Variants in VCAM1 observed in about 807,000 individuals in gnomAD.
The protein encoded by VCAM1 is vascular cell adhesion molecule 1.
In VCAM1, 41 loss-of-function variants were observed where a neutral mutation model predicts 63.8. The ratio of observed to expected loss-of-function variants is 0.64; its 90% CI spans 0.50 to 0.83. The LOEUF (loss-of-function observed/expected upper bound fraction) is 0.83. Ranked by LOEUF, VCAM1 falls within the 40% of genes least tolerant of loss-of-function variation. The pLI is 0.00. For missense variants in VCAM1, 798 were observed against 875.5 expected (o/e 0.91, Z 1.12); for synonymous variants, 338 against 320.7 (o/e 1.05, Z -0.58).
rs1356573704 is a variant in VCAM1 at position 100,731,626 on chromosome 1, C to T, written c.1525+108C>T. The T allele has an allele frequency of 6.5e-6, 7 of 1,070,290 alleles. No individual in the cohort carries two copies. The highest frequency in any genetic ancestry group is 1.8e-5 in the South Asian group (1 of 56,128). The allele number at this position is 1,070,290 out of a possible 1,614,324, so 66.3% of individuals were successfully genotyped here. ...CGTTAAAACCTCTGTGGAGAAAAAA[C>T]GTTACTGAAAAGAAATTTCAAAATA... On this transcript the variant is annotated intron_variant, in intron 6 of 8. Transcript: ENST00000294728. This position sits in a 1 kb window ranked among gnomAD's most constrained non-coding sequence, Gnocchi z 4.2.
At position 100,731,819 on chromosome 1, in the gene VCAM1, G is replaced by A. The variant is rs1660470449; in HGVS notation, c.1525+301G>A. On this transcript the variant is annotated intron_variant, in intron 6 of 8. Transcript: ENST00000294728. The surrounding 1 kb of genome is among the most constrained non-coding windows in gnomAD (Gnocchi z 4.2). ...ATTTTCAGTAAGGTTAGCAGGGCTG[G>A]CTGGTCTCAGATGACTTCACCCACA... is the stretch of plus-strand genomic sequence containing the variant. Among the ~76,000 whole-genome samples, 1 of 152,160 alleles carries A rather than the reference G, an allele frequency of 6.6e-6. No homozygotes were observed. The highest frequency in any genetic ancestry group is 1.5e-5 in the Non-Finnish European group (1 of 68,028).
At position 100,731,784 on chromosome 1, in the gene VCAM1, T is replaced by C. The variant is rs1660466277; in HGVS notation, c.1525+266T>C. ...CTGTTCAATATGGTATTAGCTGAGC[T>C]CACTCGTGCATTTTCAGTAAGGTTA... is the stretch of plus-strand genomic sequence containing the variant. On this transcript the variant is annotated intron_variant, in intron 6 of 8. Transcript: ENST00000294728. This position sits in a 1 kb window ranked among gnomAD's most constrained non-coding sequence, Gnocchi z 4.2. Among the ~76,000 whole-genome samples the C allele has an allele frequency of 6.6e-6, 1 of 152,188 alleles. No homozygotes were observed. Among genetic ancestry groups the C allele is most frequent in the Non-Finnish European group, 1.5e-5 (1 of 68,042 alleles).
intron 2 of VCAM1, among the ~76,000 whole-genome samples, chr1:100,721,895 T>A (rs1356141825): frequency 6.6e-6 from 1 of 152,046 alleles, no homozygotes; most frequent in Non-Finnish European, 1.5e-5. Flanking sequence ...GCTGGAAAAA[T>A]GAAAAATACC....
Position 100,723,309 on chromosome 1 carries a change from A to G in VCAM1, c.630A>G (p.Val210=), listed in dbSNP as rs770281499. The G allele has an allele frequency of 8.7e-6, 14 of 1,612,746 alleles. No homozygotes were observed. The South Asian group carries it at 1.5e-4, about 18-fold the overall frequency. ...HIDEMDSVPT[V]RQAVKELQVY... is the part of the protein sequence containing the mutation. ...ATGAAATGGATTCTGTGCCCACAGT[A>G]AGGCAGGCTGTAAAAGAATTGCAAG... Residue 210 remains valine (V), a synonymous_variant, in exon 3 of 9, where the codon GTA becomes GTG. Transcript: ENST00000294728.
chr1:100,723,381 C>A, intron 3 of VCAM1, 41 bp downstream of exon 3: 2 of 1,587,480 alleles, frequency 1.3e-6, no homozygotes, highest in East Asian at 4.5e-5. Flanking sequence ...TGTGGGAATC[C>A]CACCTTGGTT....
chr1:100,725,849 A>G (rs1482825067), intron 4 of VCAM1, among the ~76,000 whole-genome samples: 2 of 152,044 alleles, frequency 1.3e-5, no homozygotes, highest in Non-Finnish European at 2.9e-5. Context: ...TAGGTATACA[A>G]TGTAGAATGA....
chr1:100,738,433 T>C lies in VCAM1; in HGVS notation c.*150T>C, dbSNP rs1319154584. The C allele has an allele frequency of 2.4e-5, 21 of 860,120 alleles. No homozygotes were observed. Among genetic ancestry groups the C allele is most frequent in the Non-Finnish European group, 3.4e-5 (20 of 592,840 alleles). 53.3% of individuals were successfully genotyped at this position (860,120 alleles called of 1,614,324 possible). A position where few individuals can be genotyped will look rare whatever the true frequency, so the allele number is the denominator to read the frequency against. On this transcript the variant is annotated 3_prime_UTR_variant, in exon 9 of 9. Coordinates refer to ENST00000294728, the MANE Select transcript of VCAM1 (RefSeq NM_001078.4). ...AGAAATGCCCATCTATGTCCCTTGC[T>C]GTGAGCAAGAAGTCAAAGTAAAACT...
intron 7 of VCAM1, among the ~76,000 whole-genome samples, chr1:100,733,592 C>A (rs912678023): frequency 2.0e-5 from 3 of 152,102 alleles, no homozygotes; most frequent in African/African-American, 7.2e-5. Context: ...AAATAGAAGA[C>A]CTTAATAGGG....
At chr1:100,720,850 G>T (rs938795295) in intron 2 of VCAM1, 99 bp downstream of exon 2, 18 of 1,356,450 alleles carry the variant, frequency 1.3e-5, no homozygotes, top group Non-Finnish European at 1.7e-5. Flanking sequence ...GGATATTCAT[G>T]TACAGATTCT....
At chr1:100,724,346 T>C (rs1380011029) in intron 3 of VCAM1, among the ~76,000 whole-genome samples, 1 of 152,044 alleles carries the variant, frequency 6.6e-6, no homozygotes, top group East Asian at 1.9e-4. Context: ...AATGCTTAAA[T>C]GGGACTCTTA....
In VCAM1 at chr1:100,738,171, A is replaced by G. The variant is rs375517524; in HGVS notation, c.2108A>G (p.Tyr703Cys). The change falls in exon 9 of 9, where the codon TAT (tyrosine) becomes TGT (cysteine). Residue 703 changes from tyrosine (Y) to cysteine (C), a missense_variant. By Grantham distance (194) the Tyr-to-Cys change is radical. Transcript: ENST00000294728. ...DYFSPELLVL[Y>C]FASSLIIPAI... Reference sequence around the variant, plus strand: ...TTTTCTCCTGAGCTTCTCGTGCTCTATTTTGCATCCTCCTTAATAATACCT... The same window carrying G: ...TTTTCTCCTGAGCTTCTCGTGCTCTGTTTTGCATCCTCCTTAATAATACCT... 5.6e-6 allele frequency: 9 copies of G among 1,613,710 alleles called. No individual in the cohort carries two copies. The African/African-American group carries it at 1.2e-4, about 22-fold the overall frequency.
At position 100,738,337 on chromosome 1, in the gene VCAM1, T is replaced by C. The variant is rs2100838175; in HGVS notation, c.*54T>C. 3 of 1,547,946 alleles carry C rather than the reference T, an allele frequency of 1.9e-6. No individual in the cohort carries two copies. Among genetic ancestry groups the C allele is most frequent in the Non-Finnish European group, 2.6e-6 (3 of 1,139,898 alleles). ...ACTATTTATCTGTGCAAATCCTTGA[T>C]ACTGCTCATCATTCCTTGAGAAAAA... On this transcript the variant is annotated 3_prime_UTR_variant, in exon 9 of 9. Transcript: ENST00000294728.
intron 8 of VCAM1, chr1:100,736,555 A>T (rs940771540): frequency 2.0e-5 from 3 of 152,158 alleles, no homozygotes; most frequent in African/African-American, 7.2e-5. Flanking sequence ...GCCTGTGGGG[A>T]AGACTGAAAG....
At chr1:100,736,591 A>G (rs1660657209) in intron 8 of VCAM1, 1 of 152,180 alleles carries the variant, frequency 6.6e-6, no homozygotes, top group South Asian at 2.1e-4. Flanking sequence ...TATTACATTG[A>G]AAAGAAAGAA....
chr1:100,738,111 G>C lies in VCAM1; in HGVS notation c.2060-12G>C, dbSNP rs1295295726. 5 of 1,610,860 alleles carry C rather than the reference G, an allele frequency of 3.1e-6. No individual in the cohort carries two copies. Among genetic ancestry groups the C allele is most frequent in the Non-Finnish European group, 4.2e-6 (5 of 1,178,762 alleles). Reference sequence around the variant, plus strand: ...ACTAGACATTAATTGCATCCATTTTGTTATTTTCCAGGAAGAGAAAACAAC... The same window carrying C: ...ACTAGACATTAATTGCATCCATTTTCTTATTTTCCAGGAAGAGAAAACAAC... On this transcript the variant is annotated splice_polypyrimidine_tract_variant and intron_variant, in intron 8 of 8. Coordinates refer to ENST00000294728, the MANE Select transcript of VCAM1 (RefSeq NM_001078.4).
intron 5 of VCAM1, among the ~76,000 whole-genome samples, chr1:100,729,879 T>G (rs3917052): frequency 0.91 from 138,742 of 152,154 alleles, 63,769 homozygotes; most frequent in South Asian, 0.97. Context: ...ATGGTCAGTG[T>G]CAGTGGCTCA....
intron 2 of VCAM1, among the ~76,000 whole-genome samples, chr1:100,721,456 T>G (rs887000049): frequency 6.6e-6 from 1 of 152,074 alleles, no homozygotes; most frequent in Non-Finnish European, 1.5e-5. Flanking sequence ...CATTCTCCAT[T>G]CAGCAAACAA....
chr1:100,729,902 A>T (rs973789007), intron 5 of VCAM1, among the ~76,000 whole-genome samples: 1 of 152,102 alleles, frequency 6.6e-6, no homozygotes, highest in Non-Finnish European at 1.5e-5. Flanking sequence ...TGAAAAGCAG[A>T]ATCAGGAAGC....
rs1660756721 is a variant in VCAM1 at position 100,738,964 on chromosome 1, TAA to T, written c.*685_*686del. 1 of 152,220 alleles carries T rather than the reference TAA, an allele frequency of 6.6e-6. No homozygotes were observed. Among genetic ancestry groups the T allele is most frequent in the East Asian group, 1.9e-4 (1 of 5,206 alleles). 9.4% of individuals were successfully genotyped at this position (152,220 alleles called of 1,614,324 possible). The stretch of plus-strand genomic sequence containing the variant: ...CCTGTGCAACTTTCCCAATGTGGCC[TAA>T]AAATGCAACTTCTTTTTATTTTCTT... On this transcript the variant is annotated 3_prime_UTR_variant, in exon 9 of 9. Transcript: ENST00000294728.
Sources: allele counts gnomAD v4.1 joint callset (sites outside exome capture counted in the v4.1 genomes callset), GRCh38; gene constraint gnomAD v4.1.1; non-coding constraint Gnocchi (gnomAD v3.1); transcripts MANE v1.5; gene names NCBI Gene and HGNC (gene_info 2026-07-23, HGNC 2026-07-21).